The following MYO9A variants were observed in gnomAD, a reference collection of about 807,000 sequenced individuals.
The protein encoded by MYO9A is myosin IXA.
MYO9A carries 103 observed loss-of-function variants against 293.3 expected under a neutral mutation model. The ratio of observed to expected loss-of-function variants is 0.35; its 90% CI spans 0.30 to 0.41. The LOEUF is 0.41. Among genes scored for constraint, MYO9A ranks in the 10% least tolerant of loss-of-function variants. The pLI is 1.00. For synonymous variants in MYO9A, 1,001 were observed against 1,035.7 expected, an observed-to-expected ratio of 0.97 and a Z score of 0.64; for missense variants, 2,685 against 3,033.0, an observed-to-expected ratio of 0.89 and a Z score of 2.69.
intron 2 of MYO9A, chr15:72,036,623 C>A (rs1360738253): frequency 6.6e-6 from 1 of 152,092 alleles, no homozygotes; most frequent in Non-Finnish European, 1.5e-5. Context: ...ATCCAAACTC[C>A]ACTTCCCCGA....
chr15:72,065,586 A>C (rs1314763568), intron 1 of MYO9A, among the ~76,000 whole-genome samples: 1 of 152,052 alleles, frequency 6.6e-6, no homozygotes, highest in Non-Finnish European at 1.5e-5. Context: ...CAACAAAAAA[A>C]ACACACTAGG....
At chr15:71,972,483 T>C (rs955757944) in intron 12 of MYO9A, among the ~76,000 whole-genome samples, 6 of 152,068 alleles carry the variant, frequency 3.9e-5, no homozygotes, top group Admixed American at 3.9e-4. Flanking sequence ...TGGGGTGGGG[T>C]GCAGTTTTGG....
At chr15:71,893,005 G>A (rs1401241016) in intron 26 of MYO9A, 2 of 1,289,060 alleles carry the variant, frequency 1.6e-6, no homozygotes, top group East Asian at 1.1e-4. Flanking sequence ...CAGGCTGGGT[G>A]CAGGCCCTAG....
chr15:71,875,645 A>G, intron 32 of MYO9A, 146 bp downstream of exon 32: 1 of 369,896 alleles, frequency 2.7e-6, no homozygotes, highest in Non-Finnish European at 4.9e-6. Context: ...ATCATTCTAA[A>G]TTTTTGTAAA....
At chr15:71,839,399 G>GTT (rs928767972) in intron 39 of MYO9A, among the ~76,000 whole-genome samples, 3 of 149,386 alleles carry the variant, frequency 2.0e-5, no homozygotes, top group African/African-American at 7.4e-5. Context: ...TGTGAATCAG[G>GTT]TTTTTTTTTT....
At chr15:71,839,836 T>C (rs1291501990) in intron 39 of MYO9A, among the ~76,000 whole-genome samples, 1 of 152,218 alleles carries the variant, frequency 6.6e-6, no homozygotes, top group Non-Finnish European at 1.5e-5. Flanking sequence ...TCTTTTAGAA[T>C]TTTCCTATTC....
At chr15:71,987,660 T>A (rs951420925) in intron 11 of MYO9A, among the ~76,000 whole-genome samples, 5 of 152,222 alleles carry the variant, frequency 3.3e-5, no homozygotes, top group Admixed American at 6.5e-5. Flanking sequence ...TCCCATCCTA[T>A]ATGCCTATGT....
rs889781496 is a variant in MYO9A, at chr15:71,935,158, A to G, written c.2522+183T>C. 4.6e-5 allele frequency: 27 copies of G among 591,390 alleles called. No homozygotes were observed. The African/African-American group carries it at 4.7e-4, about 10-fold the overall frequency. 36.6% of individuals were successfully genotyped at this position (591,390 alleles called of 1,614,324 possible). A position where few individuals can be genotyped will look rare whatever the true frequency, so the allele number is the denominator to read the frequency against. On this transcript the variant is annotated intron_variant, in intron 17 of 41. Transcript: ENST00000356056. Reference sequence around the variant, plus strand: ...AAAAATCAACAAAAACACAAGCTTTATAACACATGAGATTCATGGCTGTAA... The same window carrying G: ...AAAAATCAACAAAAACACAAGCTTTGTAACACATGAGATTCATGGCTGTAA...
At chr15:71,860,996 C>CAAAAAAAAAAAAAAAAAAAAA (rs2056099523) in intron 33 of MYO9A, among the ~76,000 whole-genome samples, 1 of 99,266 alleles carries the variant, frequency 1.0e-5, no homozygotes, top group African/African-American at 4.2e-5. Context: ...AAAAAAAAAT[C>CAAAAAAAAAAAAAAAAAAAAA]AAACCAGCCC....
At chr15:71,980,970 G>T (rs2076256772) in intron 11 of MYO9A, among the ~76,000 whole-genome samples, 1 of 152,058 alleles carries the variant, frequency 6.6e-6, no homozygotes, top group East Asian at 1.9e-4. Context: ...TCCTTTATCA[G>T]AAAATCATTT....
Position 71,825,487 on chromosome 15 carries a change from A to AGAT in MYO9A, c.*1090_*1092dup, listed in dbSNP as rs1224508180. The AGAT allele has an allele frequency of 1.8e-4, 27 of 152,264 alleles. No homozygotes were observed. Among genetic ancestry groups the AGAT allele is most frequent in the Admixed American group, 1.8e-3 (27 of 15,282 alleles). The allele number at this position is 152,264 out of a possible 1,614,324, so 9.4% of individuals were successfully genotyped here. A position where few individuals can be genotyped will look rare whatever the true frequency, so the allele number is the denominator to read the frequency against. ...AAAGGAAGATAAAAGTTAGTTAGTT[A>AGAT]GATAGGTCATATTAAAAACCTTTTT... On this transcript the variant is annotated 3_prime_UTR_variant, in exon 42 of 42. Transcript: ENST00000356056.
chr15:72,074,030 G>C (rs1177693456), intron 1 of MYO9A, among the ~76,000 whole-genome samples: 3 of 152,080 alleles, frequency 2.0e-5, no homozygotes. Context: ...TTCCTTTGCA[G>C]AATGAAAGAA....
intron 18 of MYO9A, among the ~76,000 whole-genome samples, chr15:71,917,785 A>G (rs986245410): frequency 2.0e-5 from 3 of 152,208 alleles, no homozygotes; most frequent in African/African-American, 7.2e-5. Context: ...AAAAGTAATC[A>G]AAAATCTTAA....
chr15:71,851,983 A>T, intron 36 of MYO9A, 149 bp downstream of exon 36: 1 of 912,096 alleles, frequency 1.1e-6, no homozygotes, highest in Non-Finnish European at 1.5e-6. Context: ...AGGTGACAGT[A>T]TACTAGCCGT....
chr15:72,058,366 A>T (rs2078780145), intron 1 of MYO9A, among the ~76,000 whole-genome samples: 1 of 152,230 alleles, frequency 6.6e-6, no homozygotes, highest in African/African-American at 2.4e-5. Flanking sequence ...AATAAGTTTG[A>T]TATACATTAC....
intron 19 of MYO9A, among the ~76,000 whole-genome samples, chr15:71,910,104 A>G (rs149044437): frequency 0.017 from 2,488 of 143,254 alleles, 44 homozygotes; most frequent in Non-Finnish European, 0.026. Flanking sequence ...ATATATACGT[A>G]TATATATACG....
intron 19 of MYO9A, among the ~76,000 whole-genome samples, chr15:71,909,873 C>G (rs2057779815): frequency 6.6e-6 from 1 of 151,914 alleles, no homozygotes; most frequent in Non-Finnish European, 1.5e-5. Context: ...GTGTCACATG[C>G]CTGTAGCCAC....
chr15:71,980,634 A>C (rs1195574462), intron 11 of MYO9A, among the ~76,000 whole-genome samples: 1 of 152,176 alleles, frequency 6.6e-6, no homozygotes, highest in African/African-American at 2.4e-5. Flanking sequence ...CATGAGTTTG[A>C]GACTAACCAG....
At chr15:71,865,921 T>C (rs1195014556) in intron 32 of MYO9A, among the ~76,000 whole-genome samples, 1 of 152,240 alleles carries the variant, frequency 6.6e-6, no homozygotes, top group Non-Finnish European at 1.5e-5. Flanking sequence ...ATCTTTCCCA[T>C]TTCATTACAC....
Sources: allele counts gnomAD v4.1 joint callset (sites outside exome capture counted in the v4.1 genomes callset), GRCh38; gene constraint gnomAD v4.1.1; transcripts MANE v1.5; gene names NCBI Gene and HGNC (gene_info 2026-07-23, HGNC 2026-07-21).